Variants in PIP4K2A observed in about 807,000 individuals in gnomAD.
PIP4K2A encodes phosphatidylinositol-5-phosphate 4-kinase type 2 alpha.
A neutral mutation model predicts 42.9 loss-of-function variants in PIP4K2A; 14 were observed. That is an observed-to-expected ratio of 0.33 (90% CI 0.22 to 0.51). The LOEUF is 0.51. Ranked by LOEUF, PIP4K2A falls within the 20% of genes least tolerant of loss-of-function variation. The probability of loss-of-function intolerance (pLI) is 0.97; values close to 1 mark genes in which losing one functional copy is unlikely to be tolerated. For synonymous variants in PIP4K2A, 192 were observed against 192.2 expected, an observed-to-expected ratio of 1.00 and a Z score of 0.01; for missense variants, 434 against 519.8, an observed-to-expected ratio of 0.83 and a Z score of 1.61.
At chr10:22,663,264 T>C (rs762653053) in intron 1 of PIP4K2A, among the ~76,000 whole-genome samples, 4 of 152,362 alleles carry the variant, frequency 2.6e-5, no homozygotes, top group Non-Finnish European at 5.9e-5. Context: ...ATCTGATATA[T>C]ATTTGCTAAG....
intron 8 of PIP4K2A, among the ~76,000 whole-genome samples, chr10:22,540,796 C>A (rs985188186): frequency 6.6e-6 from 1 of 152,220 alleles, no homozygotes; most frequent in Admixed American, 6.5e-5. Flanking sequence ...CTCAGGTGAT[C>A]TGCCTGCCGC....
At chr10:22,650,272 G>C (rs147138513) in intron 1 of PIP4K2A, among the ~76,000 whole-genome samples, 165 of 152,114 alleles carry the variant, frequency 1.1e-3, no homozygotes, top group African/African-American at 3.6e-3. Flanking sequence ...TCTTTTTTCT[G>C]AGACTGGGTA....
intron 1 of PIP4K2A, among the ~76,000 whole-genome samples, chr10:22,619,826 A>G (rs930114775): frequency 7.9e-5 from 12 of 152,138 alleles, no homozygotes; most frequent in Non-Finnish European, 2.9e-5. Flanking sequence ...TTTAATTAAC[A>G]TTTTCTTCTG....
chr10:22,537,724 G>A (rs1039046741), intron 9 of PIP4K2A, among the ~76,000 whole-genome samples: 27 of 152,160 alleles, frequency 1.8e-4, no homozygotes, highest in Admixed American at 1.3e-3. Flanking sequence ...ACTTAAAACC[G>A]CATGATTTCT....
intron 1 of PIP4K2A, among the ~76,000 whole-genome samples, chr10:22,624,075 T>C (rs1838387670): frequency 6.6e-6 from 1 of 152,204 alleles, no homozygotes; most frequent in Admixed American, 6.5e-5. Flanking sequence ...GCGCAAGTCA[T>C]TTAAAATCTA....
In PIP4K2A at chr10:22,609,674, G is replaced by A. The variant is rs781388702; in HGVS notation, c.188C>T (p.Pro63Leu). 1 of 1,609,754 alleles carries A rather than the reference G, an allele frequency of 6.2e-7. No homozygotes were observed. ...TTTTGAATAGGCTTTGAAGTCATCTGGCATCAACATAACAGGGATTTGAAC... is the reference window on the plus strand; with the variant it reads ...TTTTGAATAGGCTTTGAAGTCATCTAGCATCAACATAACAGGGATTTGAAC... ...SHVQIPVMLM[P>L]DDFKAYSKIK... The change falls in exon 2 of 10, where the codon CCA becomes CTA. Residue 63 changes from proline to leucine, a missense_variant. Physicochemically the swap from Pro to Leu is moderately conservative, Grantham distance 98. Around this residue, in one of 2 missense-constraint regions of PIP4K2A, gnomAD observed 395 missense variants for 444.5 expected, o/e 0.89. Coordinates refer to ENST00000376573, the MANE Select transcript of PIP4K2A (RefSeq NM_005028.5).
At chr10:22,587,640 A>G (rs765659580) in intron 4 of PIP4K2A, among the ~76,000 whole-genome samples, 53 of 152,218 alleles carry the variant, frequency 3.5e-4, no homozygotes, top group Non-Finnish European at 6.6e-4. Context: ...GGTCACACAG[A>G]ATCACATGAG....
intron 1 of PIP4K2A, among the ~76,000 whole-genome samples, chr10:22,693,783 T>C (rs2130903355): frequency 6.6e-6 from 1 of 152,088 alleles, no homozygotes; most frequent in South Asian, 2.1e-4. Flanking sequence ...TATTTTACTG[T>C]CTCAGCTTTC....
chr10:22,580,963 C>T (rs1837262443), intron 4 of PIP4K2A, among the ~76,000 whole-genome samples: 1 of 152,208 alleles, frequency 6.6e-6, no homozygotes, highest in African/African-American at 2.4e-5. Flanking sequence ...TGTCTGCAGA[C>T]ACTTTGAAGT....
At chr10:22,579,179 C>G (rs1333447386) in intron 4 of PIP4K2A, among the ~76,000 whole-genome samples, 1 of 152,056 alleles carries the variant, frequency 6.6e-6, no homozygotes, top group Non-Finnish European at 1.5e-5. Flanking sequence ...ACATGGTTAA[C>G]TTGGGGGAGA....
chr10:22,624,361 G>A lies in PIP4K2A; in HGVS notation c.145-14644C>T, dbSNP rs115587829. 2.2e-3 allele frequency among the ~76,000 whole-genome samples: 336 copies of A among 152,200 alleles called. 1 individual carries two copies. The highest frequency in any genetic ancestry group is 7.6e-3 in the African/African-American group (315 of 41,516). ...GAATTCCTTTGTCAGCAAATACTGCGGGCAGAGGCATAGAAACACCAGTCA... is the reference window on the plus strand; with the variant it reads ...GAATTCCTTTGTCAGCAAATACTGCAGGCAGAGGCATAGAAACACCAGTCA... On this transcript the variant is annotated intron_variant, in intron 1 of 9. Transcript: ENST00000376573.
At chr10:22,537,627 C>T (rs1835970718) in intron 9 of PIP4K2A, among the ~76,000 whole-genome samples, 1 of 152,156 alleles carries the variant, frequency 6.6e-6, no homozygotes, top group Non-Finnish European at 1.5e-5. Context: ...GGAAACAATA[C>T]TTATGTTATA....
intron 1 of PIP4K2A, among the ~76,000 whole-genome samples, chr10:22,693,797 G>A (rs914500450): frequency 1.8e-4 from 27 of 151,546 alleles, no homozygotes; most frequent in African/African-American, 6.3e-4. Context: ...AGCTTTCTCA[G>A]CTATAACATG....
At chr10:22,562,842 GC>G (rs1282559565) in intron 6 of PIP4K2A, among the ~76,000 whole-genome samples, 1 of 152,114 alleles carries the variant, frequency 6.6e-6, no homozygotes, top group Non-Finnish European at 1.5e-5. Flanking sequence ...ACCCTCTCAT[GC>G]CTATTGGATA....
intron 1 of PIP4K2A, among the ~76,000 whole-genome samples, chr10:22,627,430 G>T (rs1838462854): frequency 6.6e-6 from 1 of 151,846 alleles, no homozygotes; most frequent in African/African-American, 2.4e-5. Flanking sequence ...GTTATTAGGT[G>T]AATAATACAG....
chr10:22,704,748 T>C (rs1833786399), intron 1 of PIP4K2A, among the ~76,000 whole-genome samples: 1 of 151,874 alleles, frequency 6.6e-6, no homozygotes, highest in African/African-American at 2.4e-5. Flanking sequence ...TGTAGTTTAT[T>C]TTGCTTTCAA....
chr10:22,577,729 T>C (rs1837158183), intron 4 of PIP4K2A, among the ~76,000 whole-genome samples: 1 of 152,250 alleles, frequency 6.6e-6, no homozygotes, highest in African/African-American at 2.4e-5. Flanking sequence ...TGTCGGGTTC[T>C]TGAGCATCCT....
At chr10:22,639,083 G>A (rs1428484161) in intron 1 of PIP4K2A, among the ~76,000 whole-genome samples, 1 of 152,080 alleles carries the variant, frequency 6.6e-6, no homozygotes, top group Non-Finnish European at 1.5e-5. Flanking sequence ...ATGACTCATG[G>A]TCAAGATGTG....
chr10:22,710,317 G>C (rs188868879), intron 1 of PIP4K2A, among the ~76,000 whole-genome samples: 2 of 152,278 alleles, frequency 1.3e-5, no homozygotes, highest in East Asian at 3.9e-4. Flanking sequence ...CTGCCTGGCA[G>C]GCCCTTTCCC....
Sources: gnomAD v4.1 joint callset for allele counts (sites outside exome capture counted in the v4.1 genomes callset) on GRCh38, gnomAD v4.1.1 for gene constraint, gnomAD v4.1.1 regional missense constraint, MANE v1.5 for transcripts, NCBI Gene and HGNC (gene_info 2026-07-23, HGNC 2026-07-21) for gene names.